The following HYDIN variants were observed in gnomAD, a reference collection of about 807,000 sequenced individuals.
HYDIN encodes HYDIN axonemal central pair apparatus protein.
Under a neutral mutation model 403.9 loss-of-function variants are expected in HYDIN, and 132 were observed. The ratio of observed to expected loss-of-function variants is 0.33; its 90% CI spans 0.28 to 0.38. The LOEUF is 0.38. Ranked by LOEUF, HYDIN falls within the 10% of genes least tolerant of loss-of-function variation. The pLI is 1.00. For synonymous variants in HYDIN, 1,202 were observed against 1,891.7 expected (o/e 0.64, Z 9.46); for missense variants, 2,827 against 5,009.5 (o/e 0.56, Z 13.15).
chr16:71,223,095 A>G (rs2040872313), intron 1 of HYDIN, among the ~76,000 whole-genome samples: 1 of 152,220 alleles, frequency 6.6e-6, no homozygotes, highest in African/African-American at 2.4e-5. Flanking sequence ...TATAGTTACC[A>G]AAACAGCATG....
chr16:71,186,725 T>G (rs753274152), intron 2 of HYDIN, 36 bp downstream of exon 2: 6 of 1,554,674 alleles, frequency 3.9e-6, no homozygotes, highest in Non-Finnish European at 3.5e-6. Context: ...GGAGATTGCA[T>G]TAAGTATTTT....
chr16:71,223,600 A>T (rs1195426352), intron 1 of HYDIN, among the ~76,000 whole-genome samples: 1 of 151,318 alleles, frequency 6.6e-6, no homozygotes, highest in Non-Finnish European at 1.5e-5. Flanking sequence ...AGCATCCGGA[A>T]TCTACAAGGA....
intron 42 of HYDIN, among the ~76,000 whole-genome samples, chr16:70,942,439 G>A (rs183155870): frequency 2.6e-5 from 4 of 152,296 alleles, no homozygotes; most frequent in African/African-American, 7.2e-5. Context: ...AAATGAGATG[G>A]AAAGGGAAAG....
intron 12 of HYDIN, 40 bp from the exon 13 acceptor site, chr16:71,079,992 C>A (rs2082735461): frequency 8.6e-6 from 6 of 699,402 alleles, no homozygotes; most frequent in Non-Finnish European, 1.5e-5. Context: ...GGGAGAGAAT[C>A]CAGTGAATCA....
chr16:71,197,901 C>A (rs1217552288), intron 1 of HYDIN, among the ~76,000 whole-genome samples: 2 of 152,192 alleles, frequency 1.3e-5, no homozygotes, highest in African/African-American at 2.4e-5. Context: ...GCATCTGCCA[C>A]CATACCTAGC....
chr16:71,144,681 CCTT>C (rs2085301727), intron 7 of HYDIN, among the ~76,000 whole-genome samples: 3 of 151,902 alleles, frequency 2.0e-5, no homozygotes, highest in South Asian at 2.1e-4. Flanking sequence ...TGCTCAACCT[CCTT>C]AATTGCTAGA....
intron 60 of HYDIN, among the ~76,000 whole-genome samples, chr16:70,882,125 T>C (rs2040845526): frequency 6.6e-6 from 1 of 152,266 alleles, no homozygotes; most frequent in African/African-American, 2.4e-5. Context: ...GGGAAGGATT[T>C]AGCTTTTTAA....
At chr16:70,976,139 G>A (rs1226738746) in intron 30 of HYDIN, among the ~76,000 whole-genome samples, 1 of 152,154 alleles carries the variant, frequency 6.6e-6, no homozygotes, top group Non-Finnish European at 1.5e-5. Context: ...GTCGATTTAG[G>A]ATAAACTATG....
chr16:71,019,551 T>G (rs1322708700), intron 22 of HYDIN, among the ~76,000 whole-genome samples: 1 of 152,262 alleles, frequency 6.6e-6, no homozygotes, highest in Non-Finnish European at 1.5e-5. Flanking sequence ...CCCTTGTAGA[T>G]CATGGCATCT....
At chr16:71,074,639 G>T (rs1384364306) in intron 13 of HYDIN, among the ~76,000 whole-genome samples, 4 of 123,088 alleles carry the variant, frequency 3.2e-5, no homozygotes, top group Non-Finnish European at 4.9e-5. Context: ...CCAACATGGT[G>T]CCACTGCACT....
chr16:70,907,239 C>G, intron 50 of HYDIN, 133 bp downstream of exon 50: 2 of 577,644 alleles, frequency 3.5e-6, no homozygotes, highest in Non-Finnish European at 6.2e-6. Flanking sequence ...ACCCAGTTCT[C>G]CTGATTTGTG....
intron 1 of HYDIN, among the ~76,000 whole-genome samples, chr16:71,194,111 T>C (rs1227897334): frequency 1.3e-5 from 2 of 152,200 alleles, no homozygotes; most frequent in Non-Finnish European, 2.9e-5. Flanking sequence ...TTTCCCCCAG[T>C]TTTAAAAAAA....
In HYDIN at chr16:70,807,556, T is replaced by A. The variant is rs2035165045; in HGVS notation, c.*24A>T. 1.3e-6 allele frequency: 2 copies of A among 1,576,252 alleles called. No individual in the cohort carries two copies. On this transcript the variant is annotated 3_prime_UTR_variant, in exon 86 of 86. Coordinates refer to ENST00000393567, the MANE Select transcript of HYDIN (RefSeq NM_001270974.2). The stretch of plus-strand genomic sequence containing the variant: ...GCTAAGACAATGCATAGCTTTTGGT[T>A]GATACAGGTAACCCTGGTTACCACT...
At position 70,807,753 on chromosome 16, in the gene HYDIN, C is replaced by G. The variant is rs150781332; in HGVS notation, c.15193G>C (p.Ala5065Pro). ...TTCTTGGGCCGCACAGACTCTCCAG[C>G]GCGAATGGTGAAGGCTGGGTTATCC... ...IVDNPAFTIR[A>P]GESVRPKKIN... The change falls in exon 86 of 86, where the codon GCT becomes CCT. Residue 5065 changes from alanine (A) to proline (P), a missense_variant. Coordinates refer to ENST00000393567, the MANE Select transcript of HYDIN (RefSeq NM_001270974.2). The G allele has an allele frequency of 6.2e-7, 1 of 1,614,126 alleles. No homozygotes were observed. The highest frequency in any genetic ancestry group is 1.1e-5 in the South Asian group (1 of 91,070).
At chr16:70,838,179 T>A (rs1012742350) in intron 76 of HYDIN, among the ~76,000 whole-genome samples, 1 of 147,934 alleles carries the variant, frequency 6.8e-6, no homozygotes, top group African/African-American at 2.7e-5. Context: ...CGATTCTGTA[T>A]TTCTTTCTTT....
At chr16:70,855,033 A>C (rs1189060871) in intron 73 of HYDIN, 95 bp downstream of exon 73, 1 of 731,838 alleles carries the variant, frequency 1.4e-6, no homozygotes, top group African/African-American at 1.9e-5. Flanking sequence ...AGTTGAAAGC[A>C]ATTATATAAA....
rs1257006355 is a variant in HYDIN at position 70,804,795 on chromosome 16, G to A, written c.*2785C>T. 6.6e-6 allele frequency among the ~76,000 whole-genome samples: 1 copy of A among 152,150 alleles called. No individual in the cohort carries two copies. Among genetic ancestry groups the A allele is most frequent in the Non-Finnish European group, 1.5e-5 (1 of 68,036 alleles). ...TAATGCTGAGTGTGCTGCAACCTGG[G>A]TTCGTTTTTGTTTCTCCCCCTCCCT... On this transcript the variant is annotated 3_prime_UTR_variant, in exon 86 of 86. Transcript: ENST00000393567.
Position 70,913,149 on chromosome 16 carries a change from C to T in HYDIN, c.8005-4288G>A, listed in dbSNP as rs1227260484. Among the ~76,000 whole-genome samples the T allele has an allele frequency of 2.0e-5, 3 of 149,688 alleles. No individual in the cohort carries two copies. In the East Asian group the frequency reaches 5.9e-4, roughly 29 times the overall value. The stretch of plus-strand genomic sequence containing the variant: ...TCAATTTCATTTAGTTCTGCTCTGA[C>T]CTTGGTTATTTCCTTTCTTCTGCTG... On this transcript the variant is annotated intron_variant, in intron 47 of 85. Coordinates refer to ENST00000393567, the MANE Select transcript of HYDIN (RefSeq NM_001270974.2).
chr16:71,206,391 C>CA (rs1411953131), intron 1 of HYDIN, among the ~76,000 whole-genome samples: 5 of 152,158 alleles, frequency 3.3e-5, no homozygotes, highest in African/African-American at 1.2e-4. Context: ...CATAATCAAA[C>CA]ATTCAAAGGC....
Sources: gnomAD v4.1 joint callset for allele counts (sites outside exome capture counted in the v4.1 genomes callset) on GRCh38, gnomAD v4.1.1 for gene constraint, MANE v1.5 for transcripts, NCBI Gene and HGNC (gene_info 2026-07-23, HGNC 2026-07-21) for gene names.